Variants in ABTB3 observed in about 807,000 individuals in gnomAD.
ABTB3 encodes the protein ankyrin repeat- and BTB/POZ domain-containing protein 3.
the ABTB3 span, chr12:107,319,043 T>A: frequency 6.2e-7 from 1 of 1,613,708 alleles, no homozygotes; most frequent in Non-Finnish European, 8.5e-7. Flanking sequence ...CTCCAACTTG[T>A]CTTTGTGCTG....
chr12:107,342,084 C>T, the ABTB3 span, among the ~76,000 whole-genome samples: 5 of 152,256 alleles, frequency 3.3e-5, no homozygotes, highest in African/African-American at 9.6e-5. Flanking sequence ...CAGCCTAACA[C>T]GGGAGACCTC....
At chr12:107,508,434 A>ATT in the ABTB3 span, among the ~76,000 whole-genome samples, 10 of 58,708 alleles carry the variant, frequency 1.7e-4, no homozygotes, top group Non-Finnish European at 3.4e-4. Flanking sequence ...CTCAAAGATC[A>ATT]TTTCTTTTTT....
chr12:107,484,458 G>A, the ABTB3 span, among the ~76,000 whole-genome samples: 1 of 152,214 alleles, frequency 6.6e-6, no homozygotes, highest in Non-Finnish European at 1.5e-5. Context: ...GATGCGTCAG[G>A]CAGAGTAAGC....
chr12:107,500,897 T>C, the ABTB3 span, among the ~76,000 whole-genome samples: 1 of 152,164 alleles, frequency 6.6e-6, no homozygotes, highest in African/African-American at 2.4e-5. Flanking sequence ...TAGAATAAAA[T>C]CTAGACTTTT....
chr12:107,548,888 A>C, the ABTB3 span, among the ~76,000 whole-genome samples: 1 of 152,202 alleles, frequency 6.6e-6, no homozygotes, highest in South Asian at 2.1e-4. Context: ...TTATTACCAC[A>C]AGATGAAAAA....
the ABTB3 span, among the ~76,000 whole-genome samples, chr12:107,546,270 T>C: frequency 6.6e-6 from 1 of 152,198 alleles, no homozygotes; most frequent in South Asian, 2.1e-4. Flanking sequence ...TTGATCTAAG[T>C]TCCTATGGGA....
chr12:107,499,383 C>T, the ABTB3 span, among the ~76,000 whole-genome samples: 2 of 125,750 alleles, frequency 1.6e-5, no homozygotes, highest in African/African-American at 6.7e-5. Flanking sequence ...TGTGTGTGTG[C>T]GTGTGGTGTG....
At chr12:107,521,325 G>A in the ABTB3 span, among the ~76,000 whole-genome samples, 4 of 151,090 alleles carry the variant, frequency 2.6e-5, no homozygotes, top group Admixed American at 2.0e-4. Flanking sequence ...CATGGCCTTC[G>A]TGCAAGGCTG....
chr12:107,397,605 C>G, the ABTB3 span, among the ~76,000 whole-genome samples: 6 of 151,936 alleles, frequency 3.9e-5, no homozygotes, highest in Non-Finnish European at 8.8e-5. Context: ...TTTTGTTGTA[C>G]AGTTTAAAAT....
the ABTB3 span, among the ~76,000 whole-genome samples, chr12:107,413,528 C>T: frequency 6.6e-6 from 1 of 152,126 alleles, no homozygotes; most frequent in East Asian, 1.9e-4. Flanking sequence ...TAATGTCCAC[C>T]AAATGGCAAT....
At chr12:107,527,305 G>A in the ABTB3 span, among the ~76,000 whole-genome samples, 3 of 151,602 alleles carry the variant, frequency 2.0e-5, no homozygotes, top group Admixed American at 2.0e-4. Flanking sequence ...GAGTCTCACT[G>A]TTGTCTCCCA....
At chr12:107,329,479 A>AATC in the ABTB3 span, among the ~76,000 whole-genome samples, 2 of 152,234 alleles carry the variant, frequency 1.3e-5, no homozygotes, top group Non-Finnish European at 2.9e-5. Flanking sequence ...ATCTGTTAAT[A>AATC]ATCATCATCA....
the ABTB3 span, among the ~76,000 whole-genome samples, chr12:107,574,258 T>C: frequency 1.3e-5 from 2 of 152,218 alleles, no homozygotes; most frequent in African/African-American, 2.4e-5. Context: ...CAACTCCTTC[T>C]ATTCCATTGT....
chr12:107,549,921 A>G, the ABTB3 span, among the ~76,000 whole-genome samples: 1 of 152,282 alleles, frequency 6.6e-6, no homozygotes, highest in African/African-American at 2.4e-5. Context: ...TGGGGCTTGT[A>G]AAACAGGGCA....
the ABTB3 span, among the ~76,000 whole-genome samples, chr12:107,547,449 G>A: frequency 2.0e-5 from 3 of 152,210 alleles, no homozygotes; most frequent in Admixed American, 2.0e-4. Context: ...TGGACTCAGA[G>A]TGTAGTTGGA....
At chr12:107,318,967 G>C in the ABTB3 span, 8 of 1,613,292 alleles carry the variant, frequency 5.0e-6, no homozygotes, top group Non-Finnish European at 6.8e-6. Context: ...AGAAGCCCGT[G>C]GTGAGAACGC....
At chr12:107,333,881 G>C in the ABTB3 span, among the ~76,000 whole-genome samples, 1 of 152,210 alleles carries the variant, frequency 6.6e-6, no homozygotes, top group East Asian at 1.9e-4. Flanking sequence ...GTAGGGGATG[G>C]TTGCAATGAT....
chr12:107,646,261 C>A, the ABTB3 span, among the ~76,000 whole-genome samples: 10 of 152,188 alleles, frequency 6.6e-5, no homozygotes, highest in Non-Finnish European at 1.3e-4. Context: ...AGGCTTGTGC[C>A]GGCAGAGTTT....
chr12:107,359,417 C>G, the ABTB3 span, among the ~76,000 whole-genome samples: 561 of 152,332 alleles, frequency 3.7e-3, 4 homozygotes, highest in African/African-American at 0.013. Flanking sequence ...CCTCCAGGCT[C>G]AGGGCTCTGG....
Sources: gnomAD v4.1 joint callset for allele counts (sites outside exome capture counted in the v4.1 genomes callset) on GRCh38, gnomAD v4.1.1 for gene constraint, MANE v1.5 for transcripts, NCBI Gene and HGNC (gene_info 2026-07-23, HGNC 2026-07-21) for gene names.